Variants in TMCC2 observed in about 807,000 individuals in gnomAD.
TMCC2 encodes the protein transmembrane and coiled-coil domain family 2, also known as transmembrane and coiled-coil domains protein 2.
TMCC2 carries 16 observed loss-of-function variants against 49.4 expected under a neutral mutation model. That is an observed-to-expected ratio of 0.32 (90% CI 0.22 to 0.49). TMCC2 has a LOEUF of 0.49. TMCC2 is among the 20% of genes least tolerant of loss of function. The pLI is 0.99. For synonymous variants in TMCC2, 397 were observed against 434.1 expected (o/e 0.91, Z 1.06); for missense variants, 762 against 989.8 (o/e 0.77, Z 3.09).
At chr1:205,246,708 AT>A (rs1660467401) in intron 2 of TMCC2, 1 of 1,549,250 alleles carries the variant, frequency 6.5e-7, no homozygotes, top group Admixed American at 2.0e-5. Context: ...CAATGAATAC[AT>A]TTTAAAAATC....
At chr1:205,246,380 T>C in intron 2 of TMCC2, 1 of 784,090 alleles carries the variant, frequency 1.3e-6, no homozygotes, top group Non-Finnish European at 1.7e-6. Context: ...AACATCCACG[T>C]GGAAATGCCA....
At chr1:205,256,358 C>A in intron 2 of TMCC2, 1 of 1,550,974 alleles carries the variant, frequency 6.4e-7, no homozygotes, top group Non-Finnish European at 8.7e-7. Context: ...CTCTGCTGGC[C>A]ACTCACAGAA....
In TMCC2 at chr1:205,271,953, C is replaced by T; in HGVS notation, c.1959C>T (p.Leu653=). 2 of 1,614,214 alleles carry T rather than the reference C, an allele frequency of 1.2e-6. No individual in the cohort carries two copies. The highest frequency in any genetic ancestry group is 1.7e-6 in the Non-Finnish European group (2 of 1,180,026). Reference sequence around the variant, plus strand: ...AGTTCATCAACGTGATCCTGGCGCTCATGGCCGTGCTGCTGGTGTTCGTGT... The same window carrying T: ...AGTTCATCAACGTGATCCTGGCGCTTATGGCCGTGCTGCTGGTGTTCGTGT... ...LGKFINVILA[L]MAVLLVFVST... is the part of the protein sequence containing the mutation. The change falls in exon 5 of 5, where the codon CTC becomes CTT. Residue 653 remains leucine, a synonymous_variant. Coordinates refer to ENST00000358024, the MANE Select transcript of TMCC2 (RefSeq NM_014858.4).
Position 205,267,834 on chromosome 1 carries a change from G to T in TMCC2, c.748-1116G>T, listed in dbSNP as rs117158916. The T allele has an allele frequency of 3.1e-6, 3 of 973,962 alleles. No homozygotes were observed. The Admixed American group carries it at 1.8e-4, about 60-fold the overall frequency. 60.3% of individuals were successfully genotyped at this position (973,962 alleles called of 1,614,324 possible). The stretch of plus-strand genomic sequence containing the variant: ...AAGGGGGCTGTCATTTCCTTCCTAC[G>T]CATTCACCCTCTGCAAAGCTGGGCG... On this transcript the variant is annotated intron_variant, in intron 2 of 4. Coordinates refer to ENST00000358024, the MANE Select transcript of TMCC2 (RefSeq NM_014858.4).
At chr1:205,239,310 G>A (rs879835588) in intron 1 of TMCC2, among the ~76,000 whole-genome samples, 5 of 152,178 alleles carry the variant, frequency 3.3e-5, no homozygotes, top group Admixed American at 3.3e-4. Context: ...CATCAGCTTG[G>A]GCCTGGGGAA....
chr1:205,233,346 A>G (rs1659885642), intron 1 of TMCC2, among the ~76,000 whole-genome samples: 1 of 152,186 alleles, frequency 6.6e-6, no homozygotes, highest in East Asian at 1.9e-4. Context: ...CCTGGTTTGA[A>G]GCACTTTTGA....
intron 2 of TMCC2, among the ~76,000 whole-genome samples, chr1:205,260,590 A>G (rs1384376193): frequency 2.0e-5 from 3 of 152,170 alleles, no homozygotes; most frequent in African/African-American, 4.8e-5. Flanking sequence ...TCCACACCCA[A>G]TTGTTGAAAC....
intron 2 of TMCC2, among the ~76,000 whole-genome samples, chr1:205,260,111 T>TTCTGTTCCA (rs1281330919): frequency 2.0e-5 from 3 of 152,134 alleles, no homozygotes; most frequent in African/African-American, 7.2e-5. Flanking sequence ...GTTCTCCTCT[T>TTCTGTTCCA]AGAGCTTGCC....
At chr1:205,247,913 G>A (rs1660516309) in intron 2 of TMCC2, among the ~76,000 whole-genome samples, 1 of 152,070 alleles carries the variant, frequency 6.6e-6, no homozygotes, top group African/African-American at 2.4e-5. Flanking sequence ...GCTCACCCCA[G>A]CCCCACCCCA....
At position 205,228,405 on chromosome 1, in the gene TMCC2, T is replaced by A. The variant is rs1459188889; in HGVS notation, c.-160T>A. 7 of 610,326 alleles carry A rather than the reference T, an allele frequency of 1.1e-5. No homozygotes were observed. The highest frequency in any genetic ancestry group is 4.9e-5 in the South Asian group (2 of 40,424). The allele number at this position is 610,326 out of a possible 1,614,324, so 37.8% of individuals were successfully genotyped here. On this transcript the variant is annotated 5_prime_UTR_variant, in exon 1 of 5. Coordinates refer to ENST00000358024, the MANE Select transcript of TMCC2 (RefSeq NM_014858.4). ...CCTTCTCGCCCCTCCCTCACCCGCC[T>A]TTAAGAATTTTTTTTTTAATTCAAG...
At chr1:205,236,421 T>C (rs1238182974) in intron 1 of TMCC2, 1 of 152,270 alleles carries the variant, frequency 6.6e-6, no homozygotes, top group Non-Finnish European at 1.5e-5. Context: ...GGTAGTCATC[T>C]AAGGATTAAA....
intron 2 of TMCC2, among the ~76,000 whole-genome samples, chr1:205,244,506 G>A (rs1009181721): frequency 6.6e-5 from 10 of 152,222 alleles, no homozygotes; most frequent in Admixed American, 6.5e-4. Context: ...GAGGAGGGCA[G>A]TAAAGCTTTG....
chr1:205,228,721 G>A lies in TMCC2; in HGVS notation c.157G>A (p.Ala53Thr). Residue 53 changes from alanine to threonine, a missense_variant, in exon 1 of 5, where the codon GCT becomes ACT. Ala to Thr is a moderately conservative substitution (Grantham distance 58). Coordinates refer to ENST00000358024, the MANE Select transcript of TMCC2 (RefSeq NM_014858.4). ...TGGCGGGCCAACTTCAGACGCCGGC[G>A]CTGCCGCGGCGCCCAACCCAGGTCC... Reference protein sequence around the residue: ...SAGGPTSDAGAAAAPNPGPRS... With the variant: ...SAGGPTSDAGTAAAPNPGPRS... 6.2e-7 allele frequency: 1 copy of A among 1,610,638 alleles called. No homozygotes were observed. Among genetic ancestry groups the A allele is most frequent in the Non-Finnish European group, 8.5e-7 (1 of 1,179,172 alleles).
rs35501417 is a variant in TMCC2 at position 205,264,490 on chromosome 1, GTT to G, written c.748-4449_748-4448del. 1.4e-5 allele frequency among the ~76,000 whole-genome samples: 2 copies of G among 139,868 alleles called. No homozygotes were observed. The highest frequency in any genetic ancestry group is 5.4e-5 in the African/African-American group (2 of 37,298). 91.8% of individuals were successfully genotyped at this position (139,868 alleles called of 152,430 possible). A position where few individuals can be genotyped will look rare whatever the true frequency, so the allele number is the denominator to read the frequency against. On this transcript the variant is annotated intron_variant, in intron 2 of 4. Coordinates refer to ENST00000358024, the MANE Select transcript of TMCC2 (RefSeq NM_014858.4). This position sits in a 1 kb window ranked among gnomAD's most constrained non-coding sequence, Gnocchi z 4.2. ...CATGCCACCACACTCAGTTAATTTT[GTT>G]TTTTTTTTTTGGGACGGAGTCTCGC...
At chr1:205,246,200 T>C (rs185654453) in intron 2 of TMCC2, among the ~76,000 whole-genome samples, 1 of 150,952 alleles carries the variant, frequency 6.6e-6, no homozygotes, top group African/African-American at 2.4e-5. Flanking sequence ...AAGTCAAATG[T>C]GGTTCACAGA....
At chr1:205,262,933 A>T (rs111567688) in intron 2 of TMCC2, among the ~76,000 whole-genome samples, 2 of 152,258 alleles carry the variant, frequency 1.3e-5, no homozygotes, top group African/African-American at 4.8e-5. Flanking sequence ...AGTCCGTAGT[A>T]AAAGTCTCTG....
intron 2 of TMCC2, among the ~76,000 whole-genome samples, chr1:205,242,368 G>A (rs1186842271): frequency 1.3e-5 from 2 of 152,212 alleles, no homozygotes; most frequent in Non-Finnish European, 2.9e-5. Flanking sequence ...CAGACTGGAA[G>A]CAACTCTGGT....
rs189026560 is a variant in TMCC2, at chr1:205,265,636, A to C, written c.748-3314A>C. Among the ~76,000 whole-genome samples the C allele has an allele frequency of 3.4e-3, 503 of 148,458 alleles. 4 individuals carry two copies. Among genetic ancestry groups the C allele is most frequent in the Admixed American group, 0.012 (171 of 14,646 alleles). ...GTGTGCAGTGGCGTGATCTCGGCTC[A>C]CTGCAACCTCTGCCTCCCAGTTCAA... On this transcript the variant is annotated intron_variant, in intron 2 of 4. Transcript: ENST00000358024.
In TMCC2 at chr1:205,228,008, G is replaced by A. The variant is rs971728551; in HGVS notation, c.-557G>A. Reference sequence around the variant, plus strand: ...TGCGGCAGGCTGCGCGTCAGGCGGGGAGCGGGGCGCGCGGGCCGGGGAGGG... The same window carrying A: ...TGCGGCAGGCTGCGCGTCAGGCGGGAAGCGGGGCGCGCGGGCCGGGGAGGG... On this transcript the variant is annotated 5_prime_UTR_variant, in exon 1 of 5. Transcript: ENST00000358024. 1.1e-4 allele frequency among the ~76,000 whole-genome samples: 16 copies of A among 148,012 alleles called. No homozygotes were observed. Among genetic ancestry groups the A allele is most frequent in the African/African-American group, 3.9e-4 (16 of 41,020 alleles).
Sources: allele counts gnomAD v4.1 joint callset (sites outside exome capture counted in the v4.1 genomes callset), GRCh38; gene constraint gnomAD v4.1.1; non-coding constraint Gnocchi (gnomAD v3.1); transcripts MANE v1.5; gene names NCBI Gene and HGNC (gene_info 2026-07-23, HGNC 2026-07-21).